Variants in CEP250 observed in about 807,000 individuals in gnomAD.
CEP250 encodes the protein centrosome-associated protein CEP250.
CEP250 carries 242 observed loss-of-function variants against 315.7 expected under a neutral mutation model. The observed-to-expected ratio is 0.77, with a 90% CI of 0.69 to 0.85. CEP250 has a LOEUF of 0.85. Ranked by LOEUF, CEP250 falls within the 40% of genes least tolerant of loss-of-function variation. The pLI is 0.00. For synonymous variants in CEP250, 1,088 were observed against 1,175.0 expected, an observed-to-expected ratio of 0.93 and a Z score of 1.51; for missense variants, 2,515 against 2,886.4, an observed-to-expected ratio of 0.87 and a Z score of 2.95.
rs139485406 is a variant in CEP250 at position 35,479,410 on chromosome 20, A to G, written c.2274A>G (p.Gln758=). The change falls in exon 18 of 35, where the codon CAA becomes CAG. Residue 758 remains glutamine (Q), a synonymous_variant. Coordinates refer to ENST00000397527, the MANE Select transcript of CEP250 (RefSeq NM_007186.6). ...VERDRQDLAE[Q]LQGLSSAKEL... is the part of the protein sequence containing the mutation. The stretch of plus-strand genomic sequence containing the variant: ...GTGACCGGCAGGACCTCGCTGAACA[A>G]CTACAGGGGCTCAGGTAGGGCCCAG... 204 of 1,613,700 alleles carry G rather than the reference A, an allele frequency of 1.3e-4. 1 individual carries two copies. Among genetic ancestry groups the G allele is most frequent in the Middle Eastern group, 5.0e-4 (3 of 5,956 alleles).
At chr20:35,485,934 A>G (rs1319557674) in intron 20 of CEP250, among the ~76,000 whole-genome samples, 1 of 144,816 alleles carries the variant, frequency 6.9e-6, no homozygotes, top group East Asian at 2.0e-4. Flanking sequence ...AGTGCTGGGG[A>G]TTACAGGCGT....
chr20:35,510,577 T>C (rs2064327921), intron 34 of CEP250, among the ~76,000 whole-genome samples: 1 of 152,252 alleles, frequency 6.6e-6, no homozygotes, highest in Non-Finnish European at 1.5e-5. Context: ...GAATCATAAG[T>C]GTTACCTTTT....
intron 23 of CEP250, among the ~76,000 whole-genome samples, chr20:35,494,129 T>G (rs892106274): frequency 6.6e-6 from 1 of 152,084 alleles, no homozygotes; most frequent in Admixed American, 6.5e-5. Flanking sequence ...ATGTGTGCCA[T>G]CACACTGGCT....
intron 1 of CEP250, among the ~76,000 whole-genome samples, chr20:35,457,280 T>A (rs2062651167): frequency 6.6e-6 from 1 of 152,194 alleles, no homozygotes; most frequent in Non-Finnish European, 1.5e-5. Flanking sequence ...GAATTTGCAT[T>A]TTGGTAAGTA....
At chr20:35,499,094 G>A (rs2063929581) in intron 27 of CEP250, among the ~76,000 whole-genome samples, 2 of 152,106 alleles carry the variant, frequency 1.3e-5, no homozygotes, top group South Asian at 4.1e-4. Flanking sequence ...GGCCAACATG[G>A]TGAAACCCCA....
chr20:35,455,800 C>T (rs1413078596), intron 1 of CEP250, 49 bp downstream of exon 1: 1 of 152,288 alleles, frequency 6.6e-6, no homozygotes, highest in Admixed American at 6.5e-5. Context: ...ATCTCTAGAT[C>T]CCAGGGCCTA....
intron 21 of CEP250, 182 bp downstream of exon 21, chr20:35,490,986 A>G: frequency 1.2e-6 from 1 of 802,604 alleles, no homozygotes; most frequent in Non-Finnish European, 2.0e-6. Flanking sequence ...GCAGTATGTC[A>G]TACTTCCTGA....
chr20:35,480,937 G>A (rs1222730305), intron 20 of CEP250, among the ~76,000 whole-genome samples: 1 of 151,988 alleles, frequency 6.6e-6, no homozygotes, highest in Non-Finnish European at 1.5e-5. Flanking sequence ...TTCTTTTAGA[G>A]GATTAAGTTG....
At chr20:35,466,006 T>C (rs367899516) in intron 6 of CEP250, 33 bp from the exon 7 acceptor site, 35 of 1,612,688 alleles carry the variant, frequency 2.2e-5, no homozygotes, top group Non-Finnish European at 2.1e-5. Flanking sequence ...TAGACCTTTA[T>C]TTTGCACCCA....
chr20:35,472,977 CTA>C, intron 12 of CEP250, 146 bp downstream of exon 12: 1 of 742,086 alleles, frequency 1.3e-6, no homozygotes, highest in Non-Finnish European at 2.2e-6. Flanking sequence ...GTAAATCTGC[CTA>C]TGTCTGCTGA....
chr20:35,482,552 TA>T (rs1434694209), intron 20 of CEP250, among the ~76,000 whole-genome samples: 5 of 148,302 alleles, frequency 3.4e-5, no homozygotes, highest in Non-Finnish European at 7.4e-5. Flanking sequence ...TATTTTTTTA[TA>T]TTTTTTTTTA....
intron 14 of CEP250, among the ~76,000 whole-genome samples, chr20:35,474,485 G>GT (rs1308484148): frequency 6.6e-6 from 1 of 152,188 alleles, no homozygotes; most frequent in Non-Finnish European, 1.5e-5. Flanking sequence ...TACCTATTTG[G>GT]TTAGCAGAGA....
rs3215640 is a variant in CEP250, at chr20:35,511,954, AC to A, written c.*331del. 1.8e-3 allele frequency: 2,060 copies of A among 1,123,680 alleles called. 75 individuals are homozygous for A. The East Asian group carries it at 0.072, about 39-fold the overall frequency. 69.6% of individuals were successfully genotyped at this position (1,123,680 alleles called of 1,614,324 possible). On this transcript the variant is annotated 3_prime_UTR_variant, in exon 35 of 35. Coordinates refer to ENST00000397527, the MANE Select transcript of CEP250 (RefSeq NM_007186.6). ...CCTTCATCTTCTCCTTCAACAATAAACCCTGGGATCTTTGCATTCATTTTCT... is the reference window on the plus strand; with the variant it reads ...CCTTCATCTTCTCCTTCAACAATAAACCTGGGATCTTTGCATTCATTTTCT...
In CEP250 at chr20:35,493,305, A is replaced by G. The variant is rs1601253892; in HGVS notation, c.2890-124A>G. On this transcript the variant is annotated intron_variant, in intron 22 of 34. Coordinates refer to ENST00000397527, the MANE Select transcript of CEP250 (RefSeq NM_007186.6). Reference sequence around the variant, plus strand: ...GAGGGAGGAGAGGGACTAGGAAGTGAGAAGGTGAGGTGGAAACAATGTGGA... The same window carrying G: ...GAGGGAGGAGAGGGACTAGGAAGTGGGAAGGTGAGGTGGAAACAATGTGGA... 13 of 890,668 alleles carry G rather than the reference A, an allele frequency of 1.5e-5. No homozygotes were observed. In the East Asian group the frequency reaches 3.8e-4, roughly 26 times the overall value. The allele number at this position is 890,668 out of a possible 1,614,324, so 55.2% of individuals were successfully genotyped here.
chr20:35,502,518 G>A lies in CEP250; in HGVS notation c.4149G>A (p.Thr1383=), dbSNP rs1049594239. 5.0e-6 allele frequency: 8 copies of A among 1,614,000 alleles called. No individual in the cohort carries two copies. Among genetic ancestry groups the A allele is most frequent in the African/African-American group, 2.7e-5 (2 of 74,942 alleles). The change falls in exon 30 of 35, where the codon ACG becomes ACA. Residue 1383 remains threonine (T), a synonymous_variant. Transcript: ENST00000397527. ...AAGILEEDLR[T]ARSALKLKNE... Reference sequence around the variant, plus strand: ...GCATCCTGGAAGAAGACCTGAGAACGGCTCGCTCAGCACTGAAGCTGAAAA... The same window carrying A: ...GCATCCTGGAAGAAGACCTGAGAACAGCTCGCTCAGCACTGAAGCTGAAAA...
chr20:35,469,314 A>G (rs1208186723), intron 9 of CEP250, among the ~76,000 whole-genome samples: 1 of 152,178 alleles, frequency 6.6e-6, no homozygotes, highest in Non-Finnish European at 1.5e-5. Context: ...AAATTGGAAA[A>G]AAATTTAAAC....
intron 27 of CEP250, among the ~76,000 whole-genome samples, chr20:35,499,457 A>G (rs1030002520): frequency 2.0e-5 from 3 of 152,206 alleles, no homozygotes; most frequent in African/African-American, 7.2e-5. Flanking sequence ...GAGCTCATAA[A>G]TTCCACCTCA....
Position 35,510,055 on chromosome 20 carries a change from G to GT in CEP250, c.7065+2dup. The GT allele has an allele frequency of 6.2e-7, 1 of 1,614,040 alleles. No individual in the cohort carries two copies. The highest frequency in any genetic ancestry group is 1.1e-5 in the South Asian group (1 of 91,082). On this transcript the variant is annotated splice_donor_variant, in intron 34 of 34. Transcript: ENST00000397527. LOFTEE classifies it high-confidence loss of function. Reference sequence around the variant, plus strand: ...GTGTGTGGCTGAACTGCAGAAAGAGGTATGTTCTGGATTTTCTAAGCCCAT... The same window carrying GT: ...GTGTGTGGCTGAACTGCAGAAAGAGGTTATGTTCTGGATTTTCTAAGCCCAT...
Position 35,509,992 on chromosome 20 carries a change from C to T in CEP250, c.7009-6C>T. 6.2e-7 allele frequency: 1 copy of T among 1,613,978 alleles called. No individual in the cohort carries two copies. Among genetic ancestry groups the T allele is most frequent in the Non-Finnish European group, 8.5e-7 (1 of 1,179,804 alleles). On this transcript the variant is annotated splice_region_variant and splice_polypyrimidine_tract_variant and intron_variant, in intron 33 of 34. Coordinates refer to ENST00000397527, the MANE Select transcript of CEP250 (RefSeq NM_007186.6). ...TGCCAACAAGAGTGCTGTTTGTCTT[C>T]CTTAGGATGGGAGAGGACAGAAGAA...
Sources: allele counts gnomAD v4.1 joint callset (sites outside exome capture counted in the v4.1 genomes callset), GRCh38; gene constraint gnomAD v4.1.1; transcripts MANE v1.5; gene names NCBI Gene and HGNC (gene_info 2026-07-23, HGNC 2026-07-21).